Variants in PLD1 observed in about 807,000 individuals in gnomAD.
PLD1 encodes choline phosphatase 1.
Under a neutral mutation model 137.1 loss-of-function variants are expected in PLD1, and 112 were observed. That is an observed-to-expected ratio of 0.82 (90% CI 0.70 to 0.96). The LOEUF is 0.96. Ranked by LOEUF, PLD1 falls within the 40% of genes least tolerant of loss-of-function variation. PLD1 has a pLI of 0.00. For missense variants in PLD1, 1,321 were observed against 1,342.0 expected (o/e 0.98, Z 0.24); for synonymous variants, 431 against 454.7 (o/e 0.95, Z 0.66).
At chr3:171,650,915 T>A (rs150275724) in intron 21 of PLD1, among the ~76,000 whole-genome samples, 1 of 151,590 alleles carries the variant, frequency 6.6e-6, no homozygotes, top group African/African-American at 2.4e-5. Flanking sequence ...AAAAAAAAAA[T>A]TAATTTTAAA....
chr3:171,686,011 C>G lies in PLD1; in HGVS notation c.1867+674G>C, dbSNP rs549814473. ...ATGCACGCCTATAATCCCAGCTACTCAGGAGGCTGAGCTGAGGCAGGAGAA... is the reference window on the plus strand; with the variant it reads ...ATGCACGCCTATAATCCCAGCTACTGAGGAGGCTGAGCTGAGGCAGGAGAA... On this transcript the variant is annotated intron_variant, in intron 16 of 26. Transcript: ENST00000351298. Among the ~76,000 whole-genome samples the G allele has an allele frequency of 8.7e-4, 131 of 151,430 alleles. 1 individual carries two copies. Among genetic ancestry groups the G allele is most frequent in the Middle Eastern group, 3.4e-3 (1 of 292 alleles).
In PLD1 at chr3:171,735,496, T is replaced by C; in HGVS notation, c.430A>G (p.Arg144Gly). The change falls in exon 4 of 27, where the codon AGA becomes GGA. Residue 144 changes from arginine (R) to glycine (G), a missense_variant. By Grantham distance (125) the Arg-to-Gly change is moderately radical. Transcript: ENST00000351298. ...AATTAATTCCAAAATGGTTACCTTC[T>C]AGTGGGAATGGGGATGCGGATAAAG... ...KAFIRIPIPT[R>G]RHTFRRQNVR... The C allele has an allele frequency of 6.2e-7, 1 of 1,612,968 alleles. No individual in the cohort carries two copies. The highest frequency in any genetic ancestry group is 8.5e-7 in the Non-Finnish European group (1 of 1,178,962).
intron 12 of PLD1, among the ~76,000 whole-genome samples, chr3:171,697,068 G>C (rs1553824481): frequency 6.6e-6 from 1 of 152,114 alleles, no homozygotes; most frequent in Non-Finnish European, 1.5e-5. Flanking sequence ...ACAAGAGGTG[G>C]AAGCCAGGCC....
Position 171,765,657 on chromosome 3 carries a change from CA to C in PLD1, c.-31-27576del, listed in dbSNP as rs1272027527. Among the ~76,000 whole-genome samples the C allele has an allele frequency of 9.2e-5, 14 of 152,324 alleles. No homozygotes were observed. In the East Asian group the frequency reaches 2.3e-3, roughly 25 times the overall value. ...TTGAGGACTCAATCATTTTGGGCTT[CA>C]GTGACTTGATCTGTAAAATGAGGAA... On this transcript the variant is annotated intron_variant, in intron 1 of 26. Transcript: ENST00000351298.
At chr3:171,757,828 T>G (rs1298187733) in intron 1 of PLD1, among the ~76,000 whole-genome samples, 3 of 152,214 alleles carry the variant, frequency 2.0e-5, no homozygotes. Flanking sequence ...GTCTTAAAAG[T>G]CAGAACATGT....
At chr3:171,673,390 T>C (rs774632622) in intron 19 of PLD1, among the ~76,000 whole-genome samples, 22 of 151,984 alleles carry the variant, frequency 1.4e-4, no homozygotes, top group Non-Finnish European at 2.8e-4. Context: ...TAAGCGATTC[T>C]CCTGCCTCAG....
intron 1 of PLD1, among the ~76,000 whole-genome samples, chr3:171,775,017 G>A (rs1451671981): frequency 6.6e-6 from 1 of 152,208 alleles, no homozygotes; most frequent in African/African-American, 2.4e-5. Context: ...GTGGGACACA[G>A]AGTTTGTCCC....
chr3:171,794,778 T>A (rs777861901), intron 1 of PLD1, among the ~76,000 whole-genome samples: 46 of 152,162 alleles, frequency 3.0e-4, no homozygotes, highest in African/African-American at 1.0e-3. Context: ...TTTCAAATTA[T>A]ACAATAATAT....
chr3:171,762,682 C>G (rs1025507931), intron 1 of PLD1, among the ~76,000 whole-genome samples: 1 of 152,102 alleles, frequency 6.6e-6, no homozygotes, highest in African/African-American at 2.4e-5. Flanking sequence ...TATGGTGGGT[C>G]GGACTGTGCA....
chr3:171,691,481 T>G (rs1458956273), intron 13 of PLD1, among the ~76,000 whole-genome samples: 1 of 152,196 alleles, frequency 6.6e-6, no homozygotes, highest in African/African-American at 2.4e-5. Flanking sequence ...AGCTATATAT[T>G]TGATTGCTAT....
chr3:171,765,792 C>T (rs1407128585), intron 1 of PLD1, among the ~76,000 whole-genome samples: 2 of 152,206 alleles, frequency 1.3e-5, no homozygotes, highest in African/African-American at 4.8e-5. Flanking sequence ...CCTTTCATCA[C>T]ATCATCAACT....
intron 1 of PLD1, among the ~76,000 whole-genome samples, chr3:171,784,787 T>A (rs1440738857): frequency 6.6e-6 from 1 of 152,170 alleles, no homozygotes; most frequent in East Asian, 1.9e-4. Context: ...ATCTATCACT[T>A]TGTATCTGGT....
chr3:171,691,656 G>A (rs1318856180), intron 13 of PLD1, among the ~76,000 whole-genome samples: 1 of 151,936 alleles, frequency 6.6e-6, no homozygotes, highest in African/African-American at 2.4e-5. Context: ...ATAGAAATTT[G>A]GTGAATGAAT....
At chr3:171,778,591 T>TGTAATCATCTGGGAAAAGGGCCCAG (rs1289294416) in intron 1 of PLD1, among the ~76,000 whole-genome samples, 1 of 152,108 alleles carries the variant, frequency 6.6e-6, no homozygotes, top group East Asian at 1.9e-4. Context: ...TGACAGGCTC[T>TGTAATCATCTGGGAAAAGGGCCCAG]GTAATCATCT....
intron 19 of PLD1, among the ~76,000 whole-genome samples, chr3:171,671,121 T>C (rs1052786878): frequency 6.6e-6 from 1 of 152,232 alleles, no homozygotes; most frequent in Non-Finnish European, 1.5e-5. Context: ...ACAATCTTCA[T>C]ACCACACCAC....
chr3:171,711,047 A>G (rs1717176802), intron 9 of PLD1, among the ~76,000 whole-genome samples: 1 of 142,268 alleles, frequency 7.0e-6, no homozygotes, highest in African/African-American at 2.6e-5. Context: ...CTAATTTTGT[A>G]TTTTTAGTAG....
intron 1 of PLD1, among the ~76,000 whole-genome samples, chr3:171,800,591 C>T (rs749717721): frequency 6.6e-6 from 1 of 152,194 alleles, no homozygotes; most frequent in Non-Finnish European, 1.5e-5. Context: ...TTTAGAGATG[C>T]TCCAGAAGTC....
chr3:171,661,065 C>T (rs1446729083), intron 20 of PLD1, among the ~76,000 whole-genome samples: 2 of 152,162 alleles, frequency 1.3e-5, no homozygotes, highest in South Asian at 2.1e-4. Flanking sequence ...GCAGAGTTCG[C>T]TCATTTTCCA....
At chr3:171,763,455 G>GA (rs1395300404) in intron 1 of PLD1, among the ~76,000 whole-genome samples, 8 of 22,580 alleles carry the variant, frequency 3.5e-4, no homozygotes, top group Admixed American at 2.1e-3. Context: ...GAAAGAGGAG[G>GA]GGAGGGGAGG....
Sources: gnomAD v4.1 joint callset for allele counts (sites outside exome capture counted in the v4.1 genomes callset) on GRCh38, gnomAD v4.1.1 for gene constraint, MANE v1.5 for transcripts, NCBI Gene and HGNC (gene_info 2026-07-23, HGNC 2026-07-21) for gene names.